Variants in CAPZA2 observed in about 807,000 individuals in gnomAD.
CAPZA2 encodes capping actin protein of muscle Z-line subunit alpha 2, also known as F-actin-capping protein subunit alpha-2.
In CAPZA2, 13 loss-of-function variants were observed where a neutral mutation model predicts 44.0. That is an observed-to-expected ratio of 0.30 (90% CI 0.19 to 0.47). The LOEUF (loss-of-function observed/expected upper bound fraction) is 0.47, where lower values mean the gene tolerates loss of function less well. Among genes scored for constraint, CAPZA2 ranks in the 20% least tolerant of loss-of-function variants. The probability of loss-of-function intolerance (pLI) is 1.00; values close to 1 mark genes in which losing one functional copy is unlikely to be tolerated. For missense variants in CAPZA2, 244 were observed against 338.6 expected (o/e 0.72, Z 2.19); for synonymous variants, 94 against 108.2 (o/e 0.87, Z 0.81).
chr7:116,880,507 C>G (rs1562958107), intron 1 of CAPZA2, among the ~76,000 whole-genome samples: 1 of 151,710 alleles, frequency 6.6e-6, no homozygotes, highest in African/African-American at 2.4e-5. Context: ...AAGCAATTCT[C>G]CTGCCTCAGC....
Position 116,892,992 on chromosome 7 carries a change from A to G in CAPZA2, c.104-2A>G. ...AATGTAGATAACATAATTGTTTTGC[A>G]GATGTTCGGTTACTGCTTAATAATG... On this transcript the variant is annotated splice_acceptor_variant, in intron 2 of 9. Transcript: ENST00000361183. LOFTEE classifies it high-confidence loss of function. 6.3e-7 allele frequency: 1 copy of G among 1,587,584 alleles called. No homozygotes were observed. Among genetic ancestry groups the G allele is most frequent in the Non-Finnish European group, 8.6e-7 (1 of 1,160,764 alleles).
rs758676530 is a variant in CAPZA2, at chr7:116,889,348, G to T, written c.103+1158G>T. On this transcript the variant is annotated intron_variant, in intron 2 of 9. Transcript: ENST00000361183. ...AAGTGAATTTACACAGAGCTCTTCA[G>T]TTTCCGTTTTTTAAACATTCTACTC... 5.4e-4 allele frequency among the ~76,000 whole-genome samples: 82 copies of T among 152,116 alleles called. 1 individual carries two copies. The highest frequency in any genetic ancestry group is 8.7e-4 in the Non-Finnish European group (59 of 68,036).
chr7:116,893,482 C>T (rs1796878544), intron 3 of CAPZA2, among the ~76,000 whole-genome samples: 1 of 152,074 alleles, frequency 6.6e-6, no homozygotes, highest in African/African-American at 2.4e-5. Flanking sequence ...ACATCAAGTT[C>T]AAATGTGTAT....
chr7:116,867,145 G>A (rs982744971), intron 1 of CAPZA2, among the ~76,000 whole-genome samples: 22 of 152,118 alleles, frequency 1.4e-4, no homozygotes, highest in African/African-American at 4.1e-4. Context: ...TTAATACTTC[G>A]TTTATTATCT....
chr7:116,917,878 G>T lies in CAPZA2; in HGVS notation c.*11G>T. 6.2e-7 allele frequency: 1 copy of T among 1,608,136 alleles called. No homozygotes were observed. Among genetic ancestry groups the T allele is most frequent in the Non-Finnish European group, 8.5e-7 (1 of 1,174,682 alleles). ...ATGCAGAATGCATAAGATGAACATTGCATGACCGGATCATTTTAGTGTCTT... is the reference window on the plus strand; with the variant it reads ...ATGCAGAATGCATAAGATGAACATTTCATGACCGGATCATTTTAGTGTCTT... On this transcript the variant is annotated 3_prime_UTR_variant, in exon 10 of 10. Transcript: ENST00000361183.
chr7:116,904,076 T>C, intron 4 of CAPZA2, 101 bp from the exon 5 acceptor site: 2 of 701,594 alleles, frequency 2.9e-6, no homozygotes, highest in Non-Finnish European at 2.4e-6. Context: ...TAGGATTGTT[T>C]TATAGTTTTA....
chr7:116,892,675 A>G (rs1796863666), intron 2 of CAPZA2, among the ~76,000 whole-genome samples: 1 of 152,026 alleles, frequency 6.6e-6, no homozygotes, highest in Non-Finnish European at 1.5e-5. Context: ...TTTAGAGTTT[A>G]CAAATTTGTG....
At chr7:116,912,192 G>A (rs762133426) in intron 8 of CAPZA2, 52 bp downstream of exon 8, 126 of 1,598,470 alleles carry the variant, frequency 7.9e-5, no homozygotes, top group Non-Finnish European at 1.0e-4. Context: ...TGTAAAACCA[G>A]AACAGTTTTG....
At chr7:116,908,029 G>C (rs1791540182) in intron 6 of CAPZA2, among the ~76,000 whole-genome samples, 1 of 151,996 alleles carries the variant, frequency 6.6e-6, no homozygotes. Flanking sequence ...TGGAGACCAA[G>C]GTAGGAGGAT....
At chr7:116,888,331 A>G in intron 2 of CAPZA2, 141 bp downstream of exon 2, 1 of 540,934 alleles carries the variant, frequency 1.8e-6, no homozygotes, top group Non-Finnish European at 3.3e-6. Flanking sequence ...GTTAGTCTGG[A>G]TTTTGTAATG....
chr7:116,906,449 A>G (rs958996635), intron 6 of CAPZA2, 107 bp downstream of exon 6: 64 of 1,458,724 alleles, frequency 4.4e-5, no homozygotes, highest in Admixed American at 5.8e-5. Context: ...ATTAAGAACA[A>G]TTTAGAGATG....
intron 3 of CAPZA2, among the ~76,000 whole-genome samples, chr7:116,898,188 G>A (rs904759586): frequency 1.3e-5 from 2 of 151,718 alleles, no homozygotes; most frequent in African/African-American, 2.4e-5. Context: ...TTTTCAAGTC[G>A]GTTTTTCAGT....
chr7:116,920,244 CAAA>C lies in CAPZA2; in HGVS notation c.*2379_*2381del, dbSNP rs1791750100. 7.1e-6 allele frequency: 1 copy of C among 141,802 alleles called. No homozygotes were observed. Among genetic ancestry groups the C allele is most frequent in the Non-Finnish European group, 1.6e-5 (1 of 63,848 alleles). 8.8% of individuals were successfully genotyped at this position (141,802 alleles called of 1,614,324 possible). A position where few individuals can be genotyped will look rare whatever the true frequency, so the allele number is the denominator to read the frequency against. On this transcript the variant is annotated 3_prime_UTR_variant, in exon 10 of 10. Coordinates refer to ENST00000361183, the MANE Select transcript of CAPZA2 (RefSeq NM_006136.3). ...TGGGTGACACAGGGAGCCTCTGTCT[CAAA>C]ATAATAATAATAATAAAAGAATGGC...
chr7:116,898,956 T>C (rs908775675), intron 4 of CAPZA2, 121 bp downstream of exon 4: 7 of 502,960 alleles, frequency 1.4e-5, no homozygotes, highest in Non-Finnish European at 2.1e-5. Context: ...TAACCACTTA[T>C]GGGCAAAGTA....
intron 4 of CAPZA2, among the ~76,000 whole-genome samples, chr7:116,902,809 T>C (rs1227756909): frequency 3.3e-5 from 5 of 152,134 alleles, no homozygotes. Flanking sequence ...CAATCACAGC[T>C]CGCTGCAGCC....
intron 1 of CAPZA2, among the ~76,000 whole-genome samples, chr7:116,885,670 C>T (rs189091940): frequency 4.6e-5 from 7 of 152,218 alleles, no homozygotes; most frequent in Admixed American, 1.3e-4. Context: ...CCACAGAACT[C>T]AGGGAAATGC....
intron 7 of CAPZA2, among the ~76,000 whole-genome samples, chr7:116,911,725 G>A (rs571941462): frequency 2.0e-5 from 3 of 152,288 alleles, no homozygotes; most frequent in East Asian, 3.9e-4. Context: ...AATGGTTGGT[G>A]GAAATACACA....
chr7:116,901,360 A>G (rs1232460635), intron 4 of CAPZA2, among the ~76,000 whole-genome samples: 3 of 152,190 alleles, frequency 2.0e-5, no homozygotes, highest in Non-Finnish European at 4.4e-5. Context: ...CTTTGCAAGA[A>G]CATGGATGGA....
At chr7:116,875,800 C>T (rs1322354839) in intron 1 of CAPZA2, 1 of 152,020 alleles carries the variant, frequency 6.6e-6, no homozygotes, top group Non-Finnish European at 1.5e-5. Context: ...CCCAGCCTCC[C>T]AAAGTGTTGG....
Sources: allele counts gnomAD v4.1 joint callset (sites outside exome capture counted in the v4.1 genomes callset), GRCh38; gene constraint gnomAD v4.1.1; transcripts MANE v1.5; gene names NCBI Gene and HGNC (gene_info 2026-07-23, HGNC 2026-07-21).